The following FAM210A variants were observed in gnomAD, a reference collection of about 807,000 sequenced individuals.
FAM210A encodes mitochondrial inner membrane scaffold 1.
A neutral mutation model predicts 25.3 loss-of-function variants in FAM210A; 13 were observed. That is an observed-to-expected ratio of 0.51 (90% CI 0.33 to 0.82). The LOEUF is 0.82. Ranked by LOEUF, FAM210A falls within the 40% of genes least tolerant of loss-of-function variation. FAM210A has a pLI of 0.02. For missense variants in FAM210A, 319 were observed against 323.2 expected, an observed-to-expected ratio of 0.99 and a Z score of 0.10; for synonymous variants, 125 against 118.7, an observed-to-expected ratio of 1.05 and a Z score of -0.35.
intron 1 of FAM210A, among the ~76,000 whole-genome samples, chr18:13,722,922 C>T (rs1472334169): frequency 1.3e-5 from 2 of 151,824 alleles, no homozygotes; most frequent in Non-Finnish European, 2.9e-5. Context: ...CGGCTCACTG[C>T]AACCTCCGCC....
intron 1 of FAM210A, among the ~76,000 whole-genome samples, chr18:13,697,943 T>A (rs1270813300): frequency 6.6e-6 from 1 of 152,102 alleles, no homozygotes; most frequent in Non-Finnish European, 1.5e-5. Context: ...TATTGCCAAG[T>A]CAAAGAAGCC....
At chr18:13,676,253 G>GC (rs1316112508) in intron 2 of FAM210A, among the ~76,000 whole-genome samples, 3 of 125,732 alleles carry the variant, frequency 2.4e-5, no homozygotes, top group African/African-American at 9.4e-5. Context: ...ACATTCCTGA[G>GC]CCCTGGCTTC....
chr18:13,665,718 AAGAC>A lies in FAM210A; in HGVS notation c.*758_*761del, dbSNP rs1227353372. ...TAATGATTTTTTACCTTTCCTCTGA[AAGAC>A]AGTTGAAAAGGACACAAATGATTCA... On this transcript the variant is annotated 3_prime_UTR_variant, in exon 4 of 4. Transcript: ENST00000651643. The A allele has an allele frequency of 2.0e-5, 3 of 152,078 alleles. No individual in the cohort carries two copies. Among genetic ancestry groups the A allele is most frequent in the Non-Finnish European group, 4.4e-5 (3 of 68,022 alleles). The allele number at this position is 152,078 out of a possible 1,614,324, so 9.4% of individuals were successfully genotyped here. A position where few individuals can be genotyped will look rare whatever the true frequency, so the allele number is the denominator to read the frequency against.
chr18:13,679,459 AT>A (rs2043531703), intron 2 of FAM210A, among the ~76,000 whole-genome samples: 1 of 152,196 alleles, frequency 6.6e-6, no homozygotes, highest in South Asian at 2.1e-4. Flanking sequence ...TCATTCATGA[AT>A]TTGATTTTTT....
chr18:13,699,400 T>C (rs2043720973), intron 1 of FAM210A, among the ~76,000 whole-genome samples: 1 of 152,140 alleles, frequency 6.6e-6, no homozygotes, highest in Non-Finnish European at 1.5e-5. Flanking sequence ...ATGCCCCCCC[T>C]AGTGAATTCC....
Position 13,681,617 on chromosome 18 carries a change from T to C in FAM210A, c.461A>G (p.Tyr154Cys), listed in dbSNP as rs2043553919. 6.2e-7 allele frequency: 1 copy of C among 1,601,696 alleles called. No homozygotes were observed. Among genetic ancestry groups the C allele is most frequent in the African/African-American group, 1.3e-5 (1 of 74,216 alleles). The change falls in exon 2 of 4, where the codon TAT becomes TGT. Residue 154 changes from tyrosine to cysteine, a missense_variant. Tyr to Cys is a radical substitution (Grantham distance 194, BLOSUM62 -2). Coordinates refer to ENST00000651643, the MANE Select transcript of FAM210A (RefSeq NM_152352.4). ...TSGVWFGTFY[Y>C]AALKGVNVVP... ...AGCAAAAACTTACTTCAAGGCTGCA[T>C]AATAAAATGTTCCAAACCAAACACC...
intron 1 of FAM210A, among the ~76,000 whole-genome samples, chr18:13,724,816 C>CA (rs1378908907): frequency 6.6e-6 from 1 of 152,290 alleles, no homozygotes; most frequent in East Asian, 1.9e-4. Flanking sequence ...CTCTGTCGCC[C>CA]AGGCTAGAGT....
intron 1 of FAM210A, among the ~76,000 whole-genome samples, chr18:13,724,812 C>T (rs2043921683): frequency 1.3e-5 from 2 of 152,150 alleles, no homozygotes; most frequent in African/African-American, 2.4e-5. Flanking sequence ...CTCGCTCTGT[C>T]GCCCAGGCTA....
chr18:13,670,251 A>T (rs1006385195), intron 3 of FAM210A, among the ~76,000 whole-genome samples: 1 of 152,236 alleles, frequency 6.6e-6, no homozygotes, highest in Non-Finnish European at 1.5e-5. Context: ...TGGGATAAGG[A>T]GCAATTAAAT....
intron 1 of FAM210A, among the ~76,000 whole-genome samples, chr18:13,713,400 C>G (rs2043836350): frequency 6.6e-6 from 1 of 152,214 alleles, no homozygotes; most frequent in Non-Finnish European, 1.5e-5. Context: ...TAGTCCTCCT[C>G]TTCCTTACTA....
chr18:13,668,505 T>A (rs1326470593), intron 3 of FAM210A, among the ~76,000 whole-genome samples: 1 of 152,216 alleles, frequency 6.6e-6, no homozygotes. Flanking sequence ...ACTGAACTTT[T>A]CCCCTGAATT....
intron 3 of FAM210A, among the ~76,000 whole-genome samples, 165 bp from the exon 4 acceptor site, chr18:13,666,878 CAA>C (rs1413110937): frequency 6.6e-6 from 1 of 152,220 alleles, no homozygotes; most frequent in Non-Finnish European, 1.5e-5. Context: ...TCCCTCCTAA[CAA>C]GAGATATTTC....
intron 1 of FAM210A, among the ~76,000 whole-genome samples, chr18:13,708,978 T>C (rs771385922): frequency 3.9e-5 from 6 of 152,196 alleles, no homozygotes; most frequent in Non-Finnish European, 7.3e-5. Context: ...TCTCAATAAC[T>C]AATCACTGCT....
intron 3 of FAM210A, 25 bp downstream of exon 3, chr18:13,671,837 G>C (rs2043445483): frequency 6.8e-7 from 1 of 1,462,666 alleles, no homozygotes; most frequent in Non-Finnish European, 9.6e-7. Flanking sequence ...GTTCTGAGGA[G>C]CAATGGGTTT....
At chr18:13,670,584 C>T (rs1445643119) in intron 3 of FAM210A, among the ~76,000 whole-genome samples, 4 of 152,286 alleles carry the variant, frequency 2.6e-5, no homozygotes, top group Middle Eastern at 3.4e-3. Context: ...AGAAGTTTCA[C>T]AGACCCTCAT....
At chr18:13,692,123 T>C (rs2043650586) in intron 1 of FAM210A, among the ~76,000 whole-genome samples, 1 of 150,936 alleles carries the variant, frequency 6.6e-6, no homozygotes, top group South Asian at 2.1e-4. Flanking sequence ...TGATTGACTT[T>C]AAACCAACAA....
chr18:13,670,551 CTG>C (rs2043433221), intron 3 of FAM210A, among the ~76,000 whole-genome samples: 1 of 148,338 alleles, frequency 6.7e-6, no homozygotes, highest in East Asian at 1.9e-4. Context: ...CATCTAGTTT[CTG>C]TGTTTTCAAC....
At chr18:13,720,944 G>T (rs759975656) in intron 1 of FAM210A, among the ~76,000 whole-genome samples, 1 of 152,174 alleles carries the variant, frequency 6.6e-6, no homozygotes, top group African/African-American at 2.4e-5. Flanking sequence ...CTCCCTGTGT[G>T]AATGTCTGTG....
At chr18:13,673,611 CCA>C (rs1393227718) in intron 2 of FAM210A, among the ~76,000 whole-genome samples, 1 of 147,700 alleles carries the variant, frequency 6.8e-6, no homozygotes, top group East Asian at 2.0e-4. Context: ...TGACTTATTT[CCA>C]GTTTCCTGAT....
Sources: allele counts gnomAD v4.1 joint callset (sites outside exome capture counted in the v4.1 genomes callset), GRCh38; gene constraint gnomAD v4.1.1; transcripts MANE v1.5; gene names NCBI Gene and HGNC (gene_info 2026-07-23, HGNC 2026-07-21).